The following DENND2B variants were observed in gnomAD, a reference collection of about 807,000 sequenced individuals.
The protein encoded by DENND2B is DENN domain containing 2B, also known as DENN domain-containing protein 2B.
Under a neutral mutation model 116.0 loss-of-function variants are expected in DENND2B, and 32 were observed. That is an observed-to-expected ratio of 0.28 (90% CI 0.21 to 0.37). DENND2B has a LOEUF of 0.37. Ranked by LOEUF, DENND2B falls within the 10% of genes least tolerant of loss-of-function variation. The pLI is 1.00. For missense variants in DENND2B, 1,276 were observed against 1,477.7 expected, an observed-to-expected ratio of 0.86 and a Z score of 2.24; for synonymous variants, 588 against 583.9, an observed-to-expected ratio of 1.01 and a Z score of -0.10.
intron 3 of DENND2B, among the ~76,000 whole-genome samples, chr11:8,844,217 T>G (rs1329359723): frequency 6.7e-6 from 1 of 148,190 alleles, no homozygotes; most frequent in East Asian, 2.0e-4. Context: ...CTAGGCAACA[T>G]AGTGAAACCT....
At chr11:8,844,406 A>G (rs2062732514) in intron 3 of DENND2B, among the ~76,000 whole-genome samples, 1 of 151,980 alleles carries the variant, frequency 6.6e-6, no homozygotes, top group Non-Finnish European at 1.5e-5. Context: ...TCTCGACAAA[A>G]ATGTTTTATT....
chr11:8,847,575 G>A (rs554223042), intron 3 of DENND2B, among the ~76,000 whole-genome samples: 1 of 152,074 alleles, frequency 6.6e-6, no homozygotes, highest in Non-Finnish European at 1.5e-5. Flanking sequence ...AAAGCTTAAC[G>A]ATAGAAAAGA....
chr11:8,889,457 C>T (rs538328499), intron 1 of DENND2B, among the ~76,000 whole-genome samples: 20 of 152,324 alleles, frequency 1.3e-4, no homozygotes, highest in African/African-American at 4.1e-4. Flanking sequence ...TCGCCTCACC[C>T]GGGAAACGCA....
chr11:8,861,733 T>C (rs1039281035), intron 2 of DENND2B, among the ~76,000 whole-genome samples: 1 of 152,162 alleles, frequency 6.6e-6, no homozygotes, highest in South Asian at 2.1e-4. Flanking sequence ...TGCACAAATA[T>C]GTTTATCGCA....
rs80343403 is a variant in DENND2B, at chr11:8,879,937, A to T, written c.-156+1073T>A. Among the ~76,000 whole-genome samples, 926 of 152,358 alleles carry T rather than the reference A, an allele frequency of 6.1e-3. 8 individuals are homozygous for T. Among genetic ancestry groups the T allele is most frequent in the African/African-American group, 0.021 (865 of 41,588 alleles). On this transcript the variant is annotated intron_variant, in intron 2 of 22. Transcript: ENST00000534127. ...CTTAGGGAGTTTCGATTGAAATAGT[A>T]AGTTATGAAAAGGTTAGTCACATTA...
chr11:8,778,597 A>G (rs2058005027), intron 1 of DENND2B, among the ~76,000 whole-genome samples: 1 of 152,220 alleles, frequency 6.6e-6, no homozygotes, highest in Non-Finnish European at 1.5e-5. Flanking sequence ...CTTCCAGCTC[A>G]GGGAAGGGCT....
rs1374299891 is a variant in DENND2B, at chr11:8,696,454, T to G, written c.3265A>C (p.Arg1089=). The change falls in exon 18 of 20, where the codon AGG becomes CGG. Residue 1089 remains arginine, a synonymous_variant. Transcript: ENST00000313726. ...SQMFAGFIQD[R]ELRKCRAKGL... Reference sequence around the variant, plus strand: ...TTTGCCCGACACTTTCTTAGCTCCCTGTCTTGGATGAAGCCAGCAAACATC... The same window carrying G: ...TTTGCCCGACACTTTCTTAGCTCCCGGTCTTGGATGAAGCCAGCAAACATC... The G allele has an allele frequency of 6.2e-7, 1 of 1,614,202 alleles. No homozygotes were observed. The highest frequency in any genetic ancestry group is 2.2e-5 in the East Asian group (1 of 44,886).
At chr11:8,875,019 C>T (rs1353371394), upstream of DENND2B, among the ~76,000 whole-genome samples, 2 of 152,078 alleles carry the variant, frequency 1.3e-5, no homozygotes, top group Admixed American at 6.6e-5. Flanking sequence ...AGGTGGTTAG[C>T]CTAGATGACT....
chr11:8,908,503 T>A (rs916214502), intron 1 of DENND2B, among the ~76,000 whole-genome samples: 5 of 152,210 alleles, frequency 3.3e-5, no homozygotes, highest in African/African-American at 9.7e-5. Flanking sequence ...TTACTTGATA[T>A]TCACAATAAC....
chr11:8,739,944 G>A (rs1297898444), intron 2 of DENND2B, among the ~76,000 whole-genome samples: 1 of 152,174 alleles, frequency 6.6e-6, no homozygotes, highest in Admixed American at 6.6e-5. Context: ...CCAACAATTT[G>A]AGAGGCCAAG....
At chr11:8,733,006 C>T (rs536238464) in intron 2 of DENND2B, among the ~76,000 whole-genome samples, 1 of 152,342 alleles carries the variant, frequency 6.6e-6, no homozygotes, top group South Asian at 2.1e-4. Context: ...CCTCTGGCTG[C>T]CCCCAATCAA....
At position 8,730,751 on chromosome 11, in the gene DENND2B, C is replaced by G. The variant is rs757838769; in HGVS notation, c.539G>C (p.Arg180Thr). The change falls in exon 3 of 20, where the codon AGG becomes ACG. Residue 180 changes from arginine (R) to threonine (T), a missense_variant. By Grantham distance (71) the Arg-to-Thr change is moderately conservative. This residue lies in a region of DENND2B where 856 missense variants were observed against 846.6 expected (regional missense o/e 1.01). Transcript: ENST00000313726. This position sits in a 1 kb window ranked among gnomAD's most constrained non-coding sequence, Gnocchi z 4.1. ...CCGCTTCTCTCCACACATGCTCATC[C>G]TGGGCGACGCCTCTCGGCGACCTTC... Reference protein sequence around the residue: ...AWEGRREASPRMSMCGEKREG... With the variant: ...AWEGRREASPTMSMCGEKREG... 6.2e-7 allele frequency: 1 copy of G among 1,612,658 alleles called. No individual in the cohort carries two copies. Among genetic ancestry groups the G allele is most frequent in the Non-Finnish European group, 8.5e-7 (1 of 1,179,966 alleles).
At chr11:8,881,429 T>G (rs1273291796) in intron 1 of DENND2B, among the ~76,000 whole-genome samples, 6 of 152,190 alleles carry the variant, frequency 3.9e-5, no homozygotes, top group African/African-American at 1.4e-4. Flanking sequence ...CTTACTGTCT[T>G]TTTGTTCTAC....
intron 4 of DENND2B, among the ~76,000 whole-genome samples, chr11:8,723,253 C>G (rs1473050641): frequency 6.6e-6 from 1 of 152,192 alleles, no homozygotes; most frequent in Non-Finnish European, 1.5e-5. Flanking sequence ...TCCTGTGGTC[C>G]TCCCATTCTC....
At chr11:8,838,794 G>A (rs2062522715) in intron 4 of DENND2B, among the ~76,000 whole-genome samples, 1 of 150,838 alleles carries the variant, frequency 6.6e-6, no homozygotes, top group African/African-American at 2.4e-5. Flanking sequence ...GGAAAACTTA[G>A]GAGGACTATC....
chr11:8,891,689 A>C (rs1039216541), intron 1 of DENND2B, among the ~76,000 whole-genome samples: 15 of 152,358 alleles, frequency 9.8e-5, no homozygotes, highest in South Asian at 4.1e-4. Context: ...AAGAAGAGCT[A>C]ACTATCCTAA....
Position 8,697,474 on chromosome 11 carries a change from G to T in DENND2B, c.3052+51C>A, listed in dbSNP as rs2270957. ...TCTGGCCCTATGGGGCCCTGACCCA[G>T]AGCAGAGGGAGCCTGGAGCAGAGCT... On this transcript the variant is annotated intron_variant, in intron 17 of 19. Coordinates refer to ENST00000313726, the MANE Select transcript of DENND2B (RefSeq NM_213618.2). 2.4e-4 allele frequency: 350 copies of T among 1,470,982 alleles called. 1 individual carries two copies. In the East Asian group the frequency reaches 7.8e-3, roughly 33 times the overall value. 91.1% of individuals were successfully genotyped at this position (1,470,982 alleles called of 1,614,324 possible). A position where few individuals can be genotyped will look rare whatever the true frequency, so the allele number is the denominator to read the frequency against.
At chr11:8,795,919 C>T (rs923888546) in intron 1 of DENND2B, among the ~76,000 whole-genome samples, 7 of 152,158 alleles carry the variant, frequency 4.6e-5, no homozygotes, top group African/African-American at 1.7e-4. Context: ...TGAACAACAC[C>T]CTGTAAAGGA....
At chr11:8,809,012 A>T (rs1034504131) in intron 1 of DENND2B, 2 of 152,230 alleles carry the variant, frequency 1.3e-5, no homozygotes, top group African/African-American at 2.4e-5. Flanking sequence ...ACAAGTAGAA[A>T]AGAAGGCTGA....
Sources: gnomAD v4.1 joint callset for allele counts (sites outside exome capture counted in the v4.1 genomes callset) on GRCh38, gnomAD v4.1.1 for gene constraint, gnomAD v4.1.1 regional missense constraint, Gnocchi (gnomAD v3.1) non-coding constraint, MANE v1.5 for transcripts, NCBI Gene and HGNC (gene_info 2026-07-23, HGNC 2026-07-21) for gene names.